The following PAPPA2 variants were observed in gnomAD, a reference collection of about 807,000 sequenced individuals.
PAPPA2 encodes the protein pappalysin-2.
Under a neutral mutation model 176.4 loss-of-function variants are expected in PAPPA2, and 86 were observed. The ratio of observed to expected loss-of-function variants is 0.49; its 90% CI spans 0.41 to 0.58. PAPPA2 has a LOEUF of 0.58. PAPPA2 is among the 20% of genes least tolerant of loss of function. PAPPA2 has a pLI of 0.00. For missense variants in PAPPA2, 2,073 were observed against 2,256.9 expected, an observed-to-expected ratio of 0.92 and a Z score of 1.65; for synonymous variants, 809 against 852.2, an observed-to-expected ratio of 0.95 and a Z score of 0.88.
chr1:176,571,305 A>G (rs1419229505), intron 2 of PAPPA2, among the ~76,000 whole-genome samples: 2 of 152,072 alleles, frequency 1.3e-5, no homozygotes, highest in Non-Finnish European at 2.9e-5. Flanking sequence ...CCCTCACTGT[A>G]TTAGTTAGGA....
At position 176,639,944 on chromosome 1, in the gene PAPPA2, A is replaced by G. The variant is rs111856871; in HGVS notation, c.1992-31026A>G. Among the ~76,000 whole-genome samples the G allele has an allele frequency of 3.8e-3, 569 of 151,360 alleles. 4 individuals carry two copies. Among genetic ancestry groups the G allele is most frequent in the African/African-American group, 0.013 (532 of 41,456 alleles). ...TGTTCTCATTTTTTACATTATGTTC[A>G]TTTTTATATGATCGTGATTATTTTT... On this transcript the variant is annotated intron_variant, in intron 3 of 22. Transcript: ENST00000367662.
chr1:176,644,756 G>A (rs1456214254), intron 3 of PAPPA2, among the ~76,000 whole-genome samples: 1 of 151,820 alleles, frequency 6.6e-6, no homozygotes, highest in East Asian at 1.9e-4. Context: ...TAGACTCAAA[G>A]ATTGGGGTGG....
Position 176,711,966 on chromosome 1 carries a change from T to C in PAPPA2, c.3783T>C (p.Asp1261=), listed in dbSNP as rs762768249. The change falls in exon 12 of 23, where the codon GAT becomes GAC. Residue 1261 remains aspartate, a synonymous_variant. Coordinates refer to ENST00000367662, the MANE Select transcript of PAPPA2 (RefSeq NM_020318.3). ...EQPEGSLKKE[D]EVWLKVCFNR... is the part of the protein sequence containing the mutation. The stretch of plus-strand genomic sequence containing the variant: ...CAGAAGGTAGCCTGAAGAAAGAGGA[T>C]GAGGTTTGGCTCAAAGTAAGTGGCC... 4 of 1,612,758 alleles carry C rather than the reference T, an allele frequency of 2.5e-6. No homozygotes were observed. The South Asian group carries it at 4.4e-5, about 18-fold the overall frequency.
chr1:176,479,284 C>A (rs374132733), intron 1 of PAPPA2, among the ~76,000 whole-genome samples: 1 of 152,076 alleles, frequency 6.6e-6, no homozygotes, highest in African/African-American at 2.4e-5. Context: ...TCTTTTGGAT[C>A]TAACTGGTTT....
chr1:176,686,854 T>C (rs1473656459), intron 4 of PAPPA2, among the ~76,000 whole-genome samples: 2 of 152,184 alleles, frequency 1.3e-5, no homozygotes, highest in Admixed American at 6.5e-5. Flanking sequence ...AGGGGAAAGG[T>C]TGAACAGCCA....
intron 21 of PAPPA2, among the ~76,000 whole-genome samples, chr1:176,826,559 G>A (rs2102979427): frequency 6.6e-6 from 1 of 152,336 alleles, no homozygotes; most frequent in East Asian, 1.9e-4. Context: ...ATCAGGATGT[G>A]TGGCAGGTTG....
chr1:176,739,720 C>G lies in PAPPA2; in HGVS notation c.3893C>G (p.Thr1298Ser), dbSNP rs201726279. 287 of 1,613,606 alleles carry G rather than the reference C, an allele frequency of 1.8e-4. No homozygotes were observed. Among genetic ancestry groups the G allele is most frequent in the Middle Eastern group, 1.2e-3 (7 of 6,076 alleles). ...VPGEHQQPTV[T>S]LYLTDVRGSN... ...GGAGAGCATCAGCAGCCGACAGTGACTCTCTACCTGACCGATGTCCGTGGA... is the reference window on the plus strand; with the variant it reads ...GGAGAGCATCAGCAGCCGACAGTGAGTCTCTACCTGACCGATGTCCGTGGA... The change falls in exon 13 of 23, where the codon ACT (threonine) becomes AGT (serine). Residue 1298 changes from threonine (T) to serine (S), a missense_variant. Transcript: ENST00000367662.
chr1:176,656,070 A>G (rs1421006447), intron 3 of PAPPA2, among the ~76,000 whole-genome samples: 1 of 151,868 alleles, frequency 6.6e-6, no homozygotes, highest in African/African-American at 2.4e-5. Flanking sequence ...TAGATTTCTG[A>G]ATATATTTTC....
intron 4 of PAPPA2, among the ~76,000 whole-genome samples, chr1:176,689,858 A>C (rs1362884886): frequency 6.6e-6 from 1 of 152,190 alleles, no homozygotes; most frequent in Non-Finnish European, 1.5e-5. Flanking sequence ...TTTAATATGC[A>C]TACAGGGCTG....
At chr1:176,562,089 C>T (rs570375609) in intron 2 of PAPPA2, among the ~76,000 whole-genome samples, 56 of 152,228 alleles carry the variant, frequency 3.7e-4, no homozygotes, top group South Asian at 1.9e-3. Context: ...AGCTACGACT[C>T]GAGATGAGAT....
intron 14 of PAPPA2, among the ~76,000 whole-genome samples, chr1:176,750,653 A>G (rs900013786): frequency 6.6e-6 from 1 of 152,174 alleles, no homozygotes; most frequent in African/African-American, 2.4e-5. Context: ...ACAACAAACA[A>G]TTAGCACGTA....
chr1:176,716,959 C>T (rs1405988095), intron 12 of PAPPA2, among the ~76,000 whole-genome samples: 1 of 152,092 alleles, frequency 6.6e-6, no homozygotes, highest in Non-Finnish European at 1.5e-5. Flanking sequence ...TTCAACCCAT[C>T]CCCTCTTCTG....
intron 2 of PAPPA2, among the ~76,000 whole-genome samples, chr1:176,561,708 C>A (rs1287024816): frequency 1.3e-5 from 2 of 152,166 alleles, no homozygotes; most frequent in East Asian, 3.8e-4. Flanking sequence ...CTGATGAAAG[C>A]TATGTCCACT....
intron 21 of PAPPA2, among the ~76,000 whole-genome samples, chr1:176,811,777 A>G (rs1249107137): frequency 6.6e-6 from 1 of 152,152 alleles, no homozygotes; most frequent in African/African-American, 2.4e-5. Context: ...AAGCTTGTCT[A>G]GAGTCCCATT....
chr1:176,706,237 A>T, intron 9 of PAPPA2, 122 bp from the exon 10 acceptor site: 2 of 736,366 alleles, frequency 2.7e-6, no homozygotes, highest in Non-Finnish European at 4.5e-6. Context: ...TCTAGCTCCT[A>T]CTTTTTTCCA....
At chr1:176,824,739 TC>T (rs1666791974) in intron 21 of PAPPA2, among the ~76,000 whole-genome samples, 1 of 152,100 alleles carries the variant, frequency 6.6e-6, no homozygotes, top group Non-Finnish European at 1.5e-5. Flanking sequence ...GTCCCATTTT[TC>T]CCCATCAGTG....
intron 4 of PAPPA2, among the ~76,000 whole-genome samples, chr1:176,686,172 C>T (rs556069503): frequency 3.3e-5 from 5 of 152,204 alleles, no homozygotes; most frequent in African/African-American, 9.6e-5. Flanking sequence ...TCCGTTCTCA[C>T]GCTGCTTTGA....
In PAPPA2 at chr1:176,729,185, G is replaced by T. The variant is rs1358393428; in HGVS notation, c.3799-10441G>T. Among the ~76,000 whole-genome samples, 7 of 151,848 alleles carry T rather than the reference G, an allele frequency of 4.6e-5. No individual in the cohort carries two copies. The East Asian group carries it at 1.3e-3, about 29-fold the overall frequency. ...GTTTTTGTATACAGAATAAGACAGG[G>T]ATCTACTTTTAAATACATGTATAAT... On this transcript the variant is annotated intron_variant, in intron 12 of 22. Coordinates refer to ENST00000367662, the MANE Select transcript of PAPPA2 (RefSeq NM_020318.3).
chr1:176,516,060 G>A (rs1305200844), intron 1 of PAPPA2, among the ~76,000 whole-genome samples: 2 of 152,110 alleles, frequency 1.3e-5, no homozygotes, highest in Non-Finnish European at 2.9e-5. Context: ...ACTTTCTCTA[G>A]TGGCTCTTGT....
Sources: gnomAD v4.1 joint callset for allele counts (sites outside exome capture counted in the v4.1 genomes callset) on GRCh38, gnomAD v4.1.1 for gene constraint, MANE v1.5 for transcripts, NCBI Gene and HGNC (gene_info 2026-07-23, HGNC 2026-07-21) for gene names.